Variants in SP4 observed in about 807,000 individuals in gnomAD.
SP4 encodes transcription factor Sp4.
Under a neutral mutation model 72.8 loss-of-function variants are expected in SP4, and 19 were observed. The ratio of observed to expected loss-of-function variants is 0.26; its 90% confidence interval spans 0.18 to 0.38. The LOEUF (loss-of-function observed/expected upper bound fraction) is 0.38, where lower values mean the gene tolerates loss of function less well. Among genes scored for constraint, SP4 ranks in the 10% least tolerant of loss-of-function variants. SP4 has a pLI of 1.00. For synonymous variants in SP4, 395 were observed against 333.1 expected, an observed-to-expected ratio of 1.19 and a Z score of -2.02; for missense variants, 1,008 against 926.3, an observed-to-expected ratio of 1.09 and a Z score of -1.14.
At chr7:21,453,549 C>G (rs1463358584) in intron 3 of SP4, among the ~76,000 whole-genome samples, 2 of 152,124 alleles carry the variant, frequency 1.3e-5, no homozygotes, top group African/African-American at 2.4e-5. Flanking sequence ...GAACCCATAC[C>G]AATAACACAC....
At chr7:21,484,244 T>G (rs377307253) in intron 5 of SP4, among the ~76,000 whole-genome samples, 1 of 151,994 alleles carries the variant, frequency 6.6e-6, no homozygotes, top group African/African-American at 2.4e-5. Context: ...AGATTTTGCA[T>G]GTGCACAATG....
chr7:21,459,673 G>A (rs1783890914), intron 3 of SP4, among the ~76,000 whole-genome samples: 1 of 152,148 alleles, frequency 6.6e-6, no homozygotes, highest in Non-Finnish European at 1.5e-5. Flanking sequence ...TTCTGTGATT[G>A]CCTTTGCTCA....
At chr7:21,488,665 C>T (rs943974773) in intron 5 of SP4, among the ~76,000 whole-genome samples, 3 of 151,798 alleles carry the variant, frequency 2.0e-5, no homozygotes, top group African/African-American at 7.2e-5. Flanking sequence ...GAGGCTGAGG[C>T]GGGAGAACTG....
chr7:21,453,883 G>A (rs899169609), intron 3 of SP4, among the ~76,000 whole-genome samples: 22 of 152,068 alleles, frequency 1.4e-4, no homozygotes, highest in Admixed American at 3.9e-4. Context: ...CATCTGCCAC[G>A]ACTTGCTCAA....
intron 5 of SP4, among the ~76,000 whole-genome samples, chr7:21,494,789 T>C (rs1785065279): frequency 6.6e-6 from 1 of 152,188 alleles, no homozygotes; most frequent in Non-Finnish European, 1.5e-5. Flanking sequence ...TAAAATTATA[T>C]GAAAGGCAAA....
intron 3 of SP4, among the ~76,000 whole-genome samples, chr7:21,432,888 G>A (rs143088924): frequency 6.6e-6 from 1 of 152,280 alleles, no homozygotes; most frequent in East Asian, 1.9e-4. Flanking sequence ...CAGCGTCTTG[G>A]GAGGCTGAAG....
intron 5 of SP4, among the ~76,000 whole-genome samples, chr7:21,491,910 G>C (rs1784989321): frequency 6.6e-6 from 1 of 151,986 alleles, no homozygotes; most frequent in South Asian, 2.1e-4. Context: ...AATTATACCA[G>C]AGAGAAATTT....
At chr7:21,461,740 C>T (rs6973987) in intron 3 of SP4, among the ~76,000 whole-genome samples, 81,198 of 152,110 alleles carry the variant, frequency 0.53, 22,150 homozygotes, top group Middle Eastern at 0.68. Context: ...CCAGAATGGG[C>T]GCCGAGGCCG....
At chr7:21,503,573 A>G (rs879265674) in intron 5 of SP4, among the ~76,000 whole-genome samples, 1 of 152,206 alleles carries the variant, frequency 6.6e-6, no homozygotes, top group Non-Finnish European at 1.5e-5. Context: ...CATTGTCTGA[A>G]TTAATATTTT....
chr7:21,445,782 A>G (rs1453157074), intron 3 of SP4, among the ~76,000 whole-genome samples: 1 of 152,188 alleles, frequency 6.6e-6, no homozygotes, highest in Admixed American at 6.5e-5. Flanking sequence ...CCTTGAGGCC[A>G]AGGAAATCAT....
intron 3 of SP4, among the ~76,000 whole-genome samples, chr7:21,464,929 T>A (rs1784121732): frequency 6.6e-6 from 1 of 152,232 alleles, no homozygotes; most frequent in African/African-American, 2.4e-5. Context: ...CAGATTTTCC[T>A]TTTTTGATTT....
chr7:21,465,874 A>G (rs1456612435), intron 3 of SP4, among the ~76,000 whole-genome samples: 1 of 152,002 alleles, frequency 6.6e-6, no homozygotes, highest in East Asian at 1.9e-4. Context: ...TAAAAAAAAA[A>G]GGTTTAATTA....
chr7:21,468,732 G>C (rs1294744547), intron 3 of SP4, among the ~76,000 whole-genome samples: 2 of 151,880 alleles, frequency 1.3e-5, no homozygotes, highest in Non-Finnish European at 2.9e-5. Flanking sequence ...TTCTTATATA[G>C]ATCTGTTATT....
At chr7:21,469,642 A>T (rs144991237) in intron 3 of SP4, among the ~76,000 whole-genome samples, 1 of 151,390 alleles carries the variant, frequency 6.6e-6, no homozygotes, top group African/African-American at 2.4e-5. Context: ...CCCGGATCCA[A>T]GTGATTCTCT....
At chr7:21,509,428 C>T (rs1343403924) in intron 5 of SP4, among the ~76,000 whole-genome samples, 2 of 150,674 alleles carry the variant, frequency 1.3e-5, no homozygotes, top group Non-Finnish European at 3.0e-5. Context: ...ACCTGTTGTA[C>T]TTTTTAAAGT....
At chr7:21,477,583 CTGGA>C (rs1784541357) in intron 4 of SP4, among the ~76,000 whole-genome samples, 1 of 150,728 alleles carries the variant, frequency 6.6e-6, no homozygotes, top group Admixed American at 6.6e-5. Context: ...GCTGCCTAGG[CTGGA>C]GTGCAGTGGT....
At chr7:21,446,622 A>G (rs1783435621) in intron 3 of SP4, among the ~76,000 whole-genome samples, 1 of 152,194 alleles carries the variant, frequency 6.6e-6, no homozygotes, top group Non-Finnish European at 1.5e-5. Context: ...AGGATTCTAT[A>G]GGTACTTTCA....
Position 21,450,241 on chromosome 7 carries a change from A to G in SP4, c.1678+19398A>G, listed in dbSNP as rs184255029. The stretch of plus-strand genomic sequence containing the variant: ...TTTTATGGTAAATTTGACTGGGTCA[A>G]ATAGTCATATTGTGAACAGAGCCAA... On this transcript the variant is annotated intron_variant, in intron 3 of 5. Transcript: ENST00000222584. Among the ~76,000 whole-genome samples, 15 of 152,320 alleles carry G rather than the reference A, an allele frequency of 9.8e-5. No homozygotes were observed. The South Asian group carries it at 2.1e-3, about 21-fold the overall frequency.
chr7:21,485,529 A>C (rs951788637), intron 5 of SP4, among the ~76,000 whole-genome samples: 5 of 151,952 alleles, frequency 3.3e-5, no homozygotes, highest in Non-Finnish European at 5.9e-5. Flanking sequence ...TAAATCATAT[A>C]CTTAAACACT....
Sources: gnomAD v4.1 joint callset for allele counts (sites outside exome capture counted in the v4.1 genomes callset) on GRCh38, gnomAD v4.1.1 for gene constraint, MANE v1.5 for transcripts, NCBI Gene and HGNC (gene_info 2026-07-23, HGNC 2026-07-21) for gene names.